CLDN14: variants seen among roughly 807,000 people sequenced by gnomAD.
The protein encoded by CLDN14 is claudin-14.
In CLDN14, 2 loss-of-function variants were observed where a neutral mutation model predicts 2.1. That is an observed-to-expected ratio of 0.96 (90% confidence interval 0.39 to 3.01). The LOEUF (loss-of-function observed/expected upper bound fraction) is 3.01, where lower values mean the gene tolerates loss of function less well. Ranked by LOEUF, CLDN14 falls within the 30% of genes most tolerant of loss-of-function variation. The pLI, the probability that CLDN14 is intolerant of heterozygous loss-of-function variation, is 0.09. For missense variants in CLDN14, 298 were observed against 328.0 expected (o/e 0.91, Z 0.71); for synonymous variants, 136 against 154.4 (o/e 0.88, Z 0.88).
intron 1 of CLDN14, among the ~76,000 whole-genome samples, chr21:36,549,073 G>A (rs2146515942): frequency 6.6e-6 from 1 of 152,000 alleles, no homozygotes; most frequent in African/African-American, 2.4e-5. Context: ...CAATTATTAA[G>A]GTACCCAACA....
In CLDN14 at chr21:36,551,135, C is replaced by G. The variant is rs943066267; in HGVS notation, c.-220+25276G>C. On this transcript the variant is annotated intron_variant, in intron 1 of 2. Coordinates refer to the CLDN14 transcript ENST00000342108. The surrounding 1 kb of genome is among the most constrained non-coding windows in gnomAD (Gnocchi z 4.8). ...CTCCCCTTGGAGCCTCCAGAAGGAA[C>G]CAGCCCTTCCTACCCCGCAATTTCG... is the stretch of plus-strand genomic sequence containing the variant. Among the ~76,000 whole-genome samples the G allele has an allele frequency of 6.6e-6, 1 of 152,208 alleles. No homozygotes were observed. The highest frequency in any genetic ancestry group is 1.5e-5 in the Non-Finnish European group (1 of 68,038).
intron 1 of CLDN14, among the ~76,000 whole-genome samples, chr21:36,534,976 T>G (rs533093644): frequency 1.9e-4 from 29 of 152,286 alleles, no homozygotes; most frequent in African/African-American, 7.0e-4. Context: ...TAATTATGGC[T>G]AGGGAAGTGT....
chr21:36,498,816 T>C lies in CLDN14; in HGVS notation c.-82+11547A>G, dbSNP rs141761574. 6.3e-3 allele frequency among the ~76,000 whole-genome samples: 955 copies of C among 152,270 alleles called. 10 individuals are homozygous for C. The highest frequency in any genetic ancestry group is 0.021 in the African/African-American group (853 of 41,558). On this transcript the variant is annotated intron_variant, in intron 2 of 2. Transcript: ENST00000342108. This position sits in a 1 kb window ranked among gnomAD's most constrained non-coding sequence, Gnocchi z 4.9. ...GCGTCTGCCTGGACACCATCAGCCCTGCACGAAGGTGGCCGCTGAGGGGCC... is the reference window on the plus strand; with the variant it reads ...GCGTCTGCCTGGACACCATCAGCCCCGCACGAAGGTGGCCGCTGAGGGGCC...
At chr21:36,574,371 G>A (rs2087727916) in intron 1 of CLDN14, among the ~76,000 whole-genome samples, 1 of 152,074 alleles carries the variant, frequency 6.6e-6, no homozygotes, top group South Asian at 2.1e-4. Context: ...ATACTATACA[G>A]AAATAAAAAA....
intron 2 of CLDN14, among the ~76,000 whole-genome samples, chr21:36,493,776 G>C (rs1045692350): frequency 6.6e-6 from 1 of 152,102 alleles, no homozygotes; most frequent in African/African-American, 2.4e-5. Flanking sequence ...GTGTGGGTGG[G>C]TACTGAAGGA....
intron 1 of CLDN14, among the ~76,000 whole-genome samples, chr21:36,561,076 CTA>C (rs1227382190): frequency 1.3e-5 from 2 of 152,180 alleles, no homozygotes; most frequent in Non-Finnish European, 2.9e-5. Flanking sequence ...TTCTCAACAC[CTA>C]CCCTCAATTT....
intron 1 of CLDN14, among the ~76,000 whole-genome samples, chr21:36,472,229 G>A (rs1424322217): frequency 6.6e-6 from 1 of 152,244 alleles, no homozygotes; most frequent in East Asian, 1.9e-4. Context: ...AGGAGGCCGA[G>A]CCAAGGTGGT....
At chr21:36,502,127 G>T (rs1221381113) in intron 2 of CLDN14, among the ~76,000 whole-genome samples, 2 of 152,252 alleles carry the variant, frequency 1.3e-5, no homozygotes, top group East Asian at 3.9e-4. Flanking sequence ...CCATCATGAG[G>T]AGTAGCATGT....
chr21:36,517,120 A>G (rs963965449), intron 1 of CLDN14, among the ~76,000 whole-genome samples: 1 of 152,044 alleles, frequency 6.6e-6, no homozygotes, highest in African/African-American at 2.4e-5. Flanking sequence ...GATTACAGGC[A>G]TGAGCCACCA....
At chr21:36,523,979 G>T (rs934259742) in intron 1 of CLDN14, among the ~76,000 whole-genome samples, 1 of 152,058 alleles carries the variant, frequency 6.6e-6, no homozygotes, top group Non-Finnish European at 1.5e-5. Context: ...CTGAATGCCA[G>T]TTCCAAACAC....
intron 1 of CLDN14, among the ~76,000 whole-genome samples, chr21:36,552,474 T>G (rs2087569497): frequency 6.6e-6 from 1 of 152,196 alleles, no homozygotes; most frequent in African/African-American, 2.4e-5. Context: ...GTTGATCTGT[T>G]ACAGGACTCA....
intron 2 of CLDN14, among the ~76,000 whole-genome samples, chr21:36,509,864 G>A (rs1238271625): frequency 6.6e-6 from 1 of 152,128 alleles, no homozygotes; most frequent in East Asian, 1.9e-4. Context: ...AAAGTACTGG[G>A]ATTACAGACG....
intron 1 of CLDN14, among the ~76,000 whole-genome samples, chr21:36,537,443 G>A (rs1378978922): frequency 2.0e-5 from 3 of 152,032 alleles, no homozygotes; most frequent in Non-Finnish European, 4.4e-5. Context: ...AAGATGTTTT[G>A]GATGCAATTG....
chr21:36,550,533 C>T lies in CLDN14; in HGVS notation c.-220+25878G>A, dbSNP rs1334592879. Among the ~76,000 whole-genome samples the T allele has an allele frequency of 3.3e-5, 5 of 152,294 alleles. No individual in the cohort carries two copies. In the East Asian group the frequency reaches 9.6e-4, roughly 29 times the overall value. ...AAGGGCAGTGCCAAATCCTGCTCAT[C>T]GCCAGGGTTTCTCAGGTGCTGTCTG... On this transcript the variant is annotated intron_variant, in intron 1 of 2. Transcript: ENST00000342108.
intron 1 of CLDN14, among the ~76,000 whole-genome samples, chr21:36,573,309 A>AAG (rs2087722018): frequency 6.6e-6 from 1 of 151,716 alleles, no homozygotes; most frequent in Non-Finnish European, 1.5e-5. Context: ...TCAAAAAAAA[A>AAG]AAAAAAAGAA....
At chr21:36,549,411 A>G (rs1200762305) in intron 1 of CLDN14, among the ~76,000 whole-genome samples, 2 of 152,156 alleles carry the variant, frequency 1.3e-5, no homozygotes, top group Non-Finnish European at 2.9e-5. Context: ...TGAAAAGGAA[A>G]TTGATGAGGA....
At chr21:36,528,861 G>C (rs912236238) in intron 1 of CLDN14, among the ~76,000 whole-genome samples, 1 of 152,188 alleles carries the variant, frequency 6.6e-6, no homozygotes, top group African/African-American at 2.4e-5. Flanking sequence ...ACCACAGGCA[G>C]CATCTGCTGT....
chr21:36,524,114 A>ATT (rs34810928), intron 1 of CLDN14, among the ~76,000 whole-genome samples: 78 of 146,952 alleles, frequency 5.3e-4, no homozygotes, highest in African/African-American at 1.9e-3. Flanking sequence ...TCTGGCTAAG[A>ATT]TTTTTTTTTT....
rs912741492 is a variant in CLDN14, at chr21:36,498,152, C to G, written c.-82+12211G>C. Among the ~76,000 whole-genome samples the G allele has an allele frequency of 6.6e-6, 1 of 151,792 alleles. No homozygotes were observed. Among genetic ancestry groups the G allele is most frequent in the Admixed American group, 6.6e-5 (1 of 15,246 alleles). On this transcript the variant is annotated intron_variant, in intron 2 of 2. Transcript: ENST00000342108. The surrounding 1 kb of genome is among the most constrained non-coding windows in gnomAD (Gnocchi z 4.9). ...AGTAGCTGGGATTACAGGCACCCAC[C>G]ACCATGCCCAGCTAATTTTTGTATT... is the stretch of plus-strand genomic sequence containing the variant.
Sources: allele counts gnomAD v4.1 joint callset (sites outside exome capture counted in the v4.1 genomes callset), GRCh38; gene constraint gnomAD v4.1.1; non-coding constraint Gnocchi (gnomAD v3.1); transcripts MANE v1.5; gene names NCBI Gene and HGNC (gene_info 2026-07-23, HGNC 2026-07-21).